The following MACROD2 variants were observed in gnomAD, a reference collection of about 807,000 sequenced individuals.
The protein encoded by MACROD2 is mono-ADP ribosylhydrolase 2.
A neutral mutation model predicts 70.4 loss-of-function variants in MACROD2; 36 were observed. The ratio of observed to expected loss-of-function variants is 0.51; its 90% CI spans 0.39 to 0.68. The LOEUF (loss-of-function observed/expected upper bound fraction) is 0.68. Among genes scored for constraint, MACROD2 ranks in the 30% least tolerant of loss-of-function variants. The probability of loss-of-function intolerance (pLI) is 0.00; values close to 1 mark genes in which losing one functional copy is unlikely to be tolerated. For missense variants in MACROD2, 496 were observed against 538.4 expected, an observed-to-expected ratio of 0.92 and a Z score of 0.78; for synonymous variants, 172 against 178.8, an observed-to-expected ratio of 0.96 and a Z score of 0.30.
chr20:14,230,805 G>A (rs182309684), intron 3 of MACROD2, among the ~76,000 whole-genome samples: 49 of 149,660 alleles, frequency 3.3e-4, no homozygotes, highest in African/African-American at 1.2e-3. Flanking sequence ...ATTACTATCT[G>A]TGGCAGTTAT....
intron 6 of MACROD2, among the ~76,000 whole-genome samples, chr20:15,313,627 G>A (rs2077777715): frequency 6.6e-6 from 1 of 152,046 alleles, no homozygotes; most frequent in Non-Finnish European, 1.5e-5. Context: ...ACCTTCTCTG[G>A]GGGTTTTCTT....
At chr20:15,744,919 ATC>A (rs1229832555) in intron 8 of MACROD2, among the ~76,000 whole-genome samples, 1 of 151,220 alleles carries the variant, frequency 6.6e-6, no homozygotes, top group African/African-American at 2.5e-5. Context: ...TGTGAGTTGT[ATC>A]TCTTTTTGAA....
intron 5 of MACROD2, among the ~76,000 whole-genome samples, chr20:14,843,109 C>G (rs1025051798): frequency 2.6e-5 from 4 of 151,366 alleles, no homozygotes; most frequent in African/African-American, 7.3e-5. Flanking sequence ...CTCTTATTCC[C>G]TGGCTTAATT....
chr20:15,165,281 C>T (rs2076375992), intron 5 of MACROD2, among the ~76,000 whole-genome samples: 1 of 152,164 alleles, frequency 6.6e-6, no homozygotes, highest in Admixed American at 6.5e-5. Context: ...CGTGGTAAAA[C>T]CCCATCTCTA....
intron 3 of MACROD2, among the ~76,000 whole-genome samples, chr20:14,183,381 T>C (rs1389006509): frequency 6.6e-6 from 1 of 152,128 alleles, no homozygotes; most frequent in African/African-American, 2.4e-5. Flanking sequence ...TGTAGCTGCA[T>C]AGTATTCCAT....
At chr20:14,261,730 G>A (rs1336970133) in intron 3 of MACROD2, among the ~76,000 whole-genome samples, 2 of 126,772 alleles carry the variant, frequency 1.6e-5, no homozygotes, top group African/African-American at 5.0e-5. Flanking sequence ...TTATGTGTCA[G>A]ATACTGACAG....
chr20:14,440,371 C>A (rs367997409), intron 3 of MACROD2, among the ~76,000 whole-genome samples: 17 of 151,638 alleles, frequency 1.1e-4, no homozygotes, highest in African/African-American at 4.1e-4. Context: ...TTGGTTTTAG[C>A]TCATCAACTA....
chr20:14,771,345 AT>A (rs1406368378), intron 5 of MACROD2, among the ~76,000 whole-genome samples: 1 of 152,034 alleles, frequency 6.6e-6, no homozygotes, highest in African/African-American at 2.4e-5. Context: ...CATAACACAG[AT>A]TTGATGAATG....
intron 8 of MACROD2, among the ~76,000 whole-genome samples, chr20:15,640,321 C>CGA (rs141502167): frequency 6.1e-4 from 92 of 150,990 alleles, no homozygotes; most frequent in African/African-American, 2.0e-3. Flanking sequence ...AAGTGGATAG[C>CGA]GAGAGAGAGA....
chr20:14,369,330 A>T (rs1239634675), intron 3 of MACROD2, among the ~76,000 whole-genome samples: 3 of 152,184 alleles, frequency 2.0e-5, no homozygotes, highest in Non-Finnish European at 4.4e-5. Context: ...CTTCCTCCAG[A>T]ACCAAGGACC....
intron 3 of MACROD2, among the ~76,000 whole-genome samples, chr20:14,265,908 C>G: frequency 6.6e-6 from 1 of 152,024 alleles, no homozygotes; most frequent in East Asian, 1.9e-4. Context: ...TCCCAAGTAG[C>G]TGGGACTACA....
chr20:14,828,004 G>A (rs2072921693), intron 5 of MACROD2, among the ~76,000 whole-genome samples: 1 of 151,604 alleles, frequency 6.6e-6, no homozygotes. Flanking sequence ...TTTATTTTTT[G>A]ATTATGAAAT....
At chr20:15,471,902 A>G (rs1216865531) in intron 7 of MACROD2, among the ~76,000 whole-genome samples, 1 of 152,078 alleles carries the variant, frequency 6.6e-6, no homozygotes, top group African/African-American at 2.4e-5. Context: ...TTTTTCTTTC[A>G]CAGCAAACAA....
At position 15,755,067 on chromosome 20, in the gene MACROD2, C is replaced by T. The variant is rs147925208; in HGVS notation, c.646-107678C>T. Among the ~76,000 whole-genome samples, 7 of 152,194 alleles carry T rather than the reference C, an allele frequency of 4.6e-5. No individual in the cohort carries two copies. In the East Asian group the frequency reaches 7.7e-4, roughly 17 times the overall value. ...AGAGATGAGGTTTCGCCATGTTGGC[C>T]GGGCTGGTCTTGAACTCCTAACCTC... On this transcript the variant is annotated intron_variant, in intron 8 of 17. Coordinates refer to ENST00000684519, the MANE Select transcript of MACROD2 (RefSeq NM_001351661.2).
chr20:14,374,017 C>T (rs1473125034), intron 3 of MACROD2, among the ~76,000 whole-genome samples: 4 of 152,054 alleles, frequency 2.6e-5, no homozygotes, highest in Non-Finnish European at 5.9e-5. Flanking sequence ...TTATCTCTAA[C>T]ATTAAAATGG....
At chr20:14,917,365 C>CAGCT (rs1243763752) in intron 5 of MACROD2, among the ~76,000 whole-genome samples, 1 of 151,986 alleles carries the variant, frequency 6.6e-6, no homozygotes, top group African/African-American at 2.4e-5. Context: ...TGTGTGAAGG[C>CAGCT]AGCTGATTGT....
At chr20:15,168,807 C>G (rs536662199) in intron 5 of MACROD2, among the ~76,000 whole-genome samples, 27 of 152,170 alleles carry the variant, frequency 1.8e-4, no homozygotes, top group African/African-American at 6.3e-4. Context: ...CATAGCAAGA[C>G]TCCATCTCTT....
At chr20:14,696,159 G>A (rs758021377) in intron 5 of MACROD2, among the ~76,000 whole-genome samples, 4 of 151,834 alleles carry the variant, frequency 2.6e-5, no homozygotes, top group South Asian at 2.1e-4. Context: ...TATTATGAAC[G>A]AAAACTTCTT....
chr20:14,165,786 A>G (rs985240968), intron 3 of MACROD2, among the ~76,000 whole-genome samples: 1 of 152,228 alleles, frequency 6.6e-6, no homozygotes, highest in Non-Finnish European at 1.5e-5. Flanking sequence ...GCATTGATGG[A>G]TGAATGAAAA....
Sources: gnomAD v4.1 joint callset for allele counts (sites outside exome capture counted in the v4.1 genomes callset) on GRCh38, gnomAD v4.1.1 for gene constraint, MANE v1.5 for transcripts, NCBI Gene and HGNC (gene_info 2026-07-23, HGNC 2026-07-21) for gene names.